Variants in PLEKHA5 observed in about 807,000 individuals in gnomAD.
The protein encoded by PLEKHA5 is pleckstrin homology domain containing A5, also known as pleckstrin homology domain-containing family A member 5.
In PLEKHA5, 55 loss-of-function variants were observed where a neutral mutation model predicts 181.9. That is an observed-to-expected ratio of 0.30 (90% CI 0.24 to 0.38). The LOEUF (loss-of-function observed/expected upper bound fraction) is 0.38, where lower values mean the gene tolerates loss of function less well. PLEKHA5 is among the 10% of genes least tolerant of loss of function. PLEKHA5 has a pLI of 1.00. For missense variants in PLEKHA5, 1,432 were observed against 1,549.5 expected (o/e 0.92, Z 1.27); for synonymous variants, 535 against 529.4 (o/e 1.01, Z -0.15).
intron 3 of PLEKHA5, among the ~76,000 whole-genome samples, chr12:19,250,123 CCAATTGAGAA>C (rs1017923388): frequency 1.3e-5 from 2 of 152,064 alleles, no homozygotes; most frequent in Non-Finnish European, 2.9e-5. Context: ...GCGAAATCAC[CCAATTGAGAA>C]CCACTTGTCT....
chr12:19,361,475 G>A lies in PLEKHA5; in HGVS notation c.3484-107G>A, dbSNP rs573492141. 1.4e-4 allele frequency: 89 copies of A among 653,202 alleles called. 1 individual carries two copies. The South Asian group carries it at 1.5e-3, about 11-fold the overall frequency. The allele number at this position is 653,202 out of a possible 1,614,324, so 40.5% of individuals were successfully genotyped here. Reference sequence around the variant, plus strand: ...TGGGATTACAGGCGTGAGCCATCACGCCCGACCGTGATTGTTCAATAAACT... The same window carrying A: ...TGGGATTACAGGCGTGAGCCATCACACCCGACCGTGATTGTTCAATAAACT... On this transcript the variant is annotated intron_variant, in intron 28 of 31. Coordinates refer to ENST00000429027, the MANE Select transcript of PLEKHA5 (RefSeq NM_001256470.2).
At chr12:19,235,502 T>C (rs4430567) in intron 3 of PLEKHA5, among the ~76,000 whole-genome samples, 8,232 of 152,264 alleles carry the variant, frequency 0.054, 381 homozygotes, top group African/African-American at 0.12. Flanking sequence ...ACTTACAATG[T>C]GGTAAGCACT....
At chr12:19,168,077 A>C (rs1565891948) in intron 3 of PLEKHA5, among the ~76,000 whole-genome samples, 1 of 152,156 alleles carries the variant, frequency 6.6e-6, no homozygotes, top group Admixed American at 6.5e-5. Flanking sequence ...TCCTATCCCC[A>C]TCCTGTCCCA....
chr12:19,315,284 T>C (rs1168367152), intron 16 of PLEKHA5, among the ~76,000 whole-genome samples: 1 of 152,258 alleles, frequency 6.6e-6, no homozygotes, highest in Non-Finnish European at 1.5e-5. Context: ...GGGGTTGCCC[T>C]CCACAACTTC....
chr12:19,248,282 C>T (rs1191154842), intron 3 of PLEKHA5, among the ~76,000 whole-genome samples: 1 of 152,212 alleles, frequency 6.6e-6, no homozygotes, highest in Middle Eastern at 3.2e-3. Context: ...ACTGCAGCCT[C>T]TGCCTCTTGG....
In PLEKHA5 at chr12:19,327,915, G is replaced by C. The variant is rs572254964; in HGVS notation, c.2448+5248G>C. 1.2e-4 allele frequency among the ~76,000 whole-genome samples: 19 copies of C among 152,212 alleles called. 1 individual carries two copies. The South Asian group carries it at 3.7e-3, about 30-fold the overall frequency. On this transcript the variant is annotated intron_variant, in intron 20 of 31. Coordinates refer to ENST00000429027, the MANE Select transcript of PLEKHA5 (RefSeq NM_001256470.2). ...CCACTTTGGTCTCCCATAATACTGG[G>C]ATTACAGGCGTGAGCCACCATGCCT...
chr12:19,290,173 C>T (rs943921581), intron 13 of PLEKHA5, among the ~76,000 whole-genome samples: 6 of 151,944 alleles, frequency 3.9e-5, no homozygotes, highest in Non-Finnish European at 5.9e-5. Flanking sequence ...CCTTGTGATC[C>T]GCCTCCCTCA....
intron 3 of PLEKHA5, among the ~76,000 whole-genome samples, chr12:19,217,834 T>A (rs10841184): frequency 2.6e-5 from 4 of 152,078 alleles, no homozygotes; most frequent in African/African-American, 4.8e-5. Context: ...ATGAAAGAGC[T>A]GAGGGAAGAA....
intron 16 of PLEKHA5, among the ~76,000 whole-genome samples, chr12:19,317,193 C>A (rs2089152253): frequency 1.3e-5 from 2 of 151,994 alleles, no homozygotes; most frequent in African/African-American, 4.8e-5. Flanking sequence ...AAAGCAAGAC[C>A]CTGTCTCTGC....
intron 15 of PLEKHA5, among the ~76,000 whole-genome samples, chr12:19,297,438 A>T (rs1222899374): frequency 6.6e-6 from 1 of 150,972 alleles, no homozygotes; most frequent in East Asian, 1.9e-4. Flanking sequence ...CTGGCTAACA[A>T]GGTGAAACCC....
intron 15 of PLEKHA5, among the ~76,000 whole-genome samples, chr12:19,297,351 G>A (rs545630406): frequency 6.6e-6 from 1 of 151,700 alleles, no homozygotes; most frequent in Non-Finnish European, 1.5e-5. Context: ...GGCCGGGCGC[G>A]GTGGCTCACG....
intron 3 of PLEKHA5, among the ~76,000 whole-genome samples, chr12:19,232,937 T>C (rs566012698): frequency 6.6e-6 from 1 of 152,280 alleles, no homozygotes; most frequent in South Asian, 2.1e-4. Flanking sequence ...TCTTATACTC[T>C]ACTTCAGTTT....
intron 3 of PLEKHA5, among the ~76,000 whole-genome samples, chr12:19,164,191 GTTTTTGTTTTT>G (rs1362462269): frequency 1.3e-3 from 153 of 119,244 alleles, no homozygotes; most frequent in Admixed American, 2.0e-3. Context: ...CTCTCCAGAT[GTTTTTGTTTTT>G]TTTTTTTTTT....
At chr12:19,133,598 TA>T in intron 3 of PLEKHA5, among the ~76,000 whole-genome samples, 1 of 152,098 alleles carries the variant, frequency 6.6e-6, no homozygotes, top group Non-Finnish European at 1.5e-5. Flanking sequence ...TCCAGTAAAT[TA>T]TAATTACCTG....
At chr12:19,360,112 A>G (rs1177968447) in intron 28 of PLEKHA5, among the ~76,000 whole-genome samples, 2 of 151,836 alleles carry the variant, frequency 1.3e-5, no homozygotes, top group African/African-American at 4.8e-5. Context: ...CAGGCGGATC[A>G]CTTGAGCCCA....
chr12:19,319,995 C>T (rs947938027), intron 16 of PLEKHA5, 26 bp from the exon 17 acceptor site: 2 of 1,347,196 alleles, frequency 1.5e-6, no homozygotes, highest in African/African-American at 1.5e-5. Flanking sequence ...CAATTAAACC[C>T]ATCCTTTTCC....
intron 15 of PLEKHA5, among the ~76,000 whole-genome samples, chr12:19,297,072 C>A (rs192493836): frequency 6.6e-6 from 1 of 152,248 alleles, no homozygotes; most frequent in East Asian, 1.9e-4. Flanking sequence ...ATATTAGGAA[C>A]TGTGACTACG....
At chr12:19,212,854 T>C (rs2057231686) in intron 3 of PLEKHA5, among the ~76,000 whole-genome samples, 1 of 150,792 alleles carries the variant, frequency 6.6e-6, no homozygotes, top group Admixed American at 6.6e-5. Flanking sequence ...TTTTTTTTAA[T>C]TTCAGGCTCC....
intron 3 of PLEKHA5, among the ~76,000 whole-genome samples, chr12:19,182,983 A>G (rs2048953934): frequency 6.6e-6 from 1 of 152,240 alleles, no homozygotes. Flanking sequence ...TGAACAAAAC[A>G]AGTTTATGTT....
Sources: gnomAD v4.1 joint callset for allele counts (sites outside exome capture counted in the v4.1 genomes callset) on GRCh38, gnomAD v4.1.1 for gene constraint, MANE v1.5 for transcripts, NCBI Gene and HGNC (gene_info 2026-07-23, HGNC 2026-07-21) for gene names.